Variants in CAB39 observed in about 807,000 individuals in gnomAD.
The protein encoded by CAB39 is calcium binding protein 39.
In CAB39, 8 loss-of-function variants were observed where a neutral mutation model predicts 40.0. That is an observed-to-expected ratio of 0.20 (90% CI 0.12 to 0.36). CAB39 has a LOEUF of 0.36. CAB39 is among the 10% of genes least tolerant of loss of function. The probability of loss-of-function intolerance (pLI) is 1.00; values close to 1 mark genes in which losing one functional copy is unlikely to be tolerated. For missense variants in CAB39, 270 were observed against 401.1 expected (o/e 0.67, Z 2.79); for synonymous variants, 156 against 141.6 (o/e 1.10, Z -0.72).
At position 230,792,180 on chromosome 2, in the gene CAB39, A is replaced by G. The variant is rs535074194; in HGVS notation, c.280-1033A>G. 2.0e-5 allele frequency among the ~76,000 whole-genome samples: 3 copies of G among 152,200 alleles called. No individual in the cohort carries two copies. In the South Asian group the frequency reaches 6.2e-4, roughly 32 times the overall value. ...TTTCATTTCATAGCTGATTTCATGT[A>G]TTTTTAATAATGTATCAAATTCCAA... On this transcript the variant is annotated intron_variant, in intron 3 of 8. Coordinates refer to ENST00000258418, the MANE Select transcript of CAB39 (RefSeq NM_016289.4).
chr2:230,818,238 G>T lies in CAB39; in HGVS notation c.838-278G>T, dbSNP rs114975201. 2.5e-3 allele frequency: 1,097 copies of T among 442,342 alleles called. 8 individuals are homozygous for T. Among genetic ancestry groups the T allele is most frequent in the African/African-American group, 0.019 (945 of 49,348 alleles). 27.4% of individuals were successfully genotyped at this position (442,342 alleles called of 1,614,324 possible). A position where few individuals can be genotyped will look rare whatever the true frequency, so the allele number is the denominator to read the frequency against. ...CCTCTTGTGCTGAGAAATAATTTCTGCCCATTTTATTCTAAAATCAAAGTC... is the reference window on the plus strand; with the variant it reads ...CCTCTTGTGCTGAGAAATAATTTCTTCCCATTTTATTCTAAAATCAAAGTC... On this transcript the variant is annotated intron_variant, in intron 8 of 8. Coordinates refer to ENST00000258418, the MANE Select transcript of CAB39 (RefSeq NM_016289.4).
chr2:230,775,158 CA>C (rs199566024), intron 2 of CAB39, among the ~76,000 whole-genome samples: 21 of 149,036 alleles, frequency 1.4e-4, no homozygotes, highest in Non-Finnish European at 2.8e-4. Context: ...TAAAGAAACT[CA>C]AAAAAAACAA....
chr2:230,766,465 G>C (rs944966454), intron 2 of CAB39, among the ~76,000 whole-genome samples: 2 of 152,142 alleles, frequency 1.3e-5, no homozygotes, highest in East Asian at 1.9e-4. Context: ...CATGGGGAGA[G>C]CACCAAGCCA....
At chr2:230,776,388 G>A (rs189489297) in intron 2 of CAB39, among the ~76,000 whole-genome samples, 55 of 152,288 alleles carry the variant, frequency 3.6e-4, no homozygotes, top group Non-Finnish European at 1.3e-4. Context: ...CAAAACCAGA[G>A]CATTGACATT....
chr2:230,762,722 A>T (rs1419460328), intron 2 of CAB39, among the ~76,000 whole-genome samples: 3 of 152,250 alleles, frequency 2.0e-5, no homozygotes, highest in Non-Finnish European at 4.4e-5. Flanking sequence ...CATTCTATTC[A>T]TCAGAATCGT....
intron 1 of CAB39, among the ~76,000 whole-genome samples, chr2:230,737,423 G>A (rs2466151): frequency 1 from 152,133 of 152,312 alleles, 75,977 homozygotes; most frequent in Middle Eastern, 1. Flanking sequence ...TTTAAACAAT[G>A]TAACTTCCTT....
chr2:230,754,389 C>CCTTCTTCCCCTTCCCCTA (rs1695149716), intron 1 of CAB39, among the ~76,000 whole-genome samples: 1 of 146,116 alleles, frequency 6.8e-6, no homozygotes. Context: ...CTCTTCCCCT[C>CCTTCTTCCCCTTCCCCTA]CTTCTTCCCC....
chr2:230,750,858 G>A (rs544916025), intron 1 of CAB39, among the ~76,000 whole-genome samples: 2 of 152,260 alleles, frequency 1.3e-5, no homozygotes, highest in East Asian at 1.9e-4. Flanking sequence ...TTAGAGATAA[G>A]GAAAAGAGTG....
At chr2:230,787,077 T>TA (rs1695806697) in intron 2 of CAB39, among the ~76,000 whole-genome samples, 1 of 152,222 alleles carries the variant, frequency 6.6e-6, no homozygotes, top group Admixed American at 6.5e-5. Context: ...AGTCAGTAGA[T>TA]ATTAGTGTAG....
intron 1 of CAB39, among the ~76,000 whole-genome samples, chr2:230,720,317 G>A (rs987165526): frequency 1.3e-5 from 2 of 152,194 alleles, no homozygotes; most frequent in Non-Finnish European, 2.9e-5. Flanking sequence ...TCCTGGCTTA[G>A]ATCACAGGGT....
chr2:230,730,474 C>T (rs1247576183), intron 1 of CAB39, among the ~76,000 whole-genome samples: 2 of 148,512 alleles, frequency 1.3e-5, no homozygotes, highest in African/African-American at 5.0e-5. Context: ...GACCAAGTCT[C>T]GCTCTTGTGC....
chr2:230,760,205 T>G, intron 2 of CAB39, 90 bp downstream of exon 2: 2 of 707,470 alleles, frequency 2.8e-6, no homozygotes, highest in Non-Finnish European at 4.8e-6. Context: ...CCAATTTGGG[T>G]TTATTTTGGA....
At chr2:230,742,228 G>T (rs1469933786) in intron 1 of CAB39, among the ~76,000 whole-genome samples, 1 of 152,120 alleles carries the variant, frequency 6.6e-6, no homozygotes, top group Non-Finnish European at 1.5e-5. Flanking sequence ...AGGCTGGAGT[G>T]CAGTGGTGCG....
At chr2:230,745,513 A>G (rs779365112) in intron 1 of CAB39, among the ~76,000 whole-genome samples, 140 of 152,382 alleles carry the variant, frequency 9.2e-4, no homozygotes, top group Non-Finnish European at 1.6e-3. Context: ...TATGCAGCAT[A>G]TATCTGAGAT....
chr2:230,785,389 AG>A (rs1403789252), intron 2 of CAB39, among the ~76,000 whole-genome samples: 7 of 12,836 alleles, frequency 5.5e-4, no homozygotes, highest in South Asian at 2.6e-3. Flanking sequence ...GCAGGGGGGC[AG>A]GGGGGCAGGG....
At chr2:230,741,454 A>G (rs1694875644) in intron 1 of CAB39, among the ~76,000 whole-genome samples, 2 of 152,166 alleles carry the variant, frequency 1.3e-5, no homozygotes, top group Admixed American at 6.5e-5. Context: ...TACTTCTAGT[A>G]TTTGCCCCTG....
chr2:230,713,955 G>C (rs1694302154), intron 1 of CAB39: 1 of 152,416 alleles, frequency 6.6e-6, no homozygotes, highest in Non-Finnish European at 1.5e-5. Flanking sequence ...AAACCGAACC[G>C]ATCACTTCTG....
intron 8 of CAB39, chr2:230,818,133 G>A (rs1446106714): frequency 2.0e-6 from 1 of 489,692 alleles, no homozygotes; most frequent in East Asian, 3.6e-5. Context: ...TTTATCTTTG[G>A]CCTAGAAGAT....
intron 2 of CAB39, chr2:230,778,956 G>A (rs1484465650): frequency 6.6e-6 from 1 of 152,148 alleles, no homozygotes; most frequent in Non-Finnish European, 1.5e-5. Context: ...AAGACGTTAT[G>A]TGGTGCGTGA....
Sources: allele counts gnomAD v4.1 joint callset (sites outside exome capture counted in the v4.1 genomes callset), GRCh38; gene constraint gnomAD v4.1.1; transcripts MANE v1.5; gene names NCBI Gene and HGNC (gene_info 2026-07-23, HGNC 2026-07-21).